STIM1: variants seen among roughly 807,000 people sequenced by gnomAD.
The protein encoded by STIM1 is stromal interaction molecule 1.
Under a neutral mutation model 74.7 loss-of-function variants are expected in STIM1, and 25 were observed. That is an observed-to-expected ratio of 0.33 (90% CI 0.24 to 0.47). STIM1 has a LOEUF of 0.47. Ranked by LOEUF, STIM1 falls within the 20% of genes least tolerant of loss-of-function variation. The probability of loss-of-function intolerance (pLI) is 1.00; values close to 1 mark genes in which losing one functional copy is unlikely to be tolerated. For synonymous variants in STIM1, 328 were observed against 348.8 expected (o/e 0.94, Z 0.66); for missense variants, 728 against 920.8 (o/e 0.79, Z 2.71).
At position 3,895,886 on chromosome 11, in the gene STIM1, TTTTC is replaced by T. The variant is rs200576507; in HGVS notation, c.139+39496_139+39499del. 2.4e-3 allele frequency among the ~76,000 whole-genome samples: 336 copies of T among 140,866 alleles called. 17 individuals carry two copies. The East Asian group carries it at 0.039, about 16-fold the overall frequency. 92.4% of individuals were successfully genotyped at this position (140,866 alleles called of 152,430 possible). The stretch of plus-strand genomic sequence containing the variant: ...CTCTCTCTTTCTTTTCTTTTCTTTC[TTTTC>T]TTTCTTTCTTTCTTTCTTCTTTCTT... On this transcript the variant is annotated intron_variant, in intron 1 of 12. Coordinates refer to ENST00000526596, the MANE Select transcript of STIM1 (RefSeq NM_001382567.1).
intron 2 of STIM1, among the ~76,000 whole-genome samples, chr11:4,018,469 A>C (rs1288993138): frequency 1.3e-4 from 19 of 143,446 alleles, no homozygotes; most frequent in Middle Eastern, 7.0e-3. Flanking sequence ...AAAAAAAAAA[A>C]AAAAAAAAAA....
At position 3,856,152 on chromosome 11, in the gene STIM1, C is replaced by A. The variant is rs777456212; in HGVS notation, c.-119C>A. ...GGCAGGCTCGCGGGTGGCTGGACAGCTGCGGAGCCGCGAGGGCATCTTGCC... is the reference window on the plus strand; with the variant it reads ...GGCAGGCTCGCGGGTGGCTGGACAGATGCGGAGCCGCGAGGGCATCTTGCC... On this transcript the variant is annotated 5_prime_UTR_variant, in exon 1 of 13. The change creates a new upstream start codon in the 5' untranslated region. Transcript: ENST00000526596. 3 of 1,400,192 alleles carry A rather than the reference C, an allele frequency of 2.1e-6. No individual in the cohort carries two copies. The highest frequency in any genetic ancestry group is 3.0e-6 in the Non-Finnish European group (3 of 1,001,696). The allele number at this position is 1,400,192 out of a possible 1,614,324, so 86.7% of individuals were successfully genotyped here. A position where few individuals can be genotyped will look rare whatever the true frequency, so the allele number is the denominator to read the frequency against.
chr11:3,965,892 A>G (rs1369971247), intron 1 of STIM1, among the ~76,000 whole-genome samples: 2 of 152,322 alleles, frequency 1.3e-5, no homozygotes. Flanking sequence ...CTGTAATCCC[A>G]GCTACTCGGA....
chr11:4,053,820 G>T (rs1420172777), intron 3 of STIM1, among the ~76,000 whole-genome samples: 1 of 152,112 alleles, frequency 6.6e-6, no homozygotes, highest in Non-Finnish European at 1.5e-5. Flanking sequence ...TATTGCCCAG[G>T]CTGGTCTTGA....
At chr11:3,938,043 C>T (rs1326532008) in intron 1 of STIM1, among the ~76,000 whole-genome samples, 2 of 151,792 alleles carry the variant, frequency 1.3e-5, no homozygotes, top group East Asian at 1.9e-4. Context: ...AAGCGATTCT[C>T]TTGCTTCAGC....
intron 1 of STIM1, among the ~76,000 whole-genome samples, chr11:3,930,249 G>A (rs527994100): frequency 6.6e-6 from 1 of 152,158 alleles, no homozygotes; most frequent in Non-Finnish European, 1.5e-5. Context: ...CCTGAACCTT[G>A]TGAGATAGAT....
chr11:3,941,381 G>A (rs2093002760), intron 1 of STIM1, among the ~76,000 whole-genome samples: 1 of 152,098 alleles, frequency 6.6e-6, no homozygotes, highest in Non-Finnish European at 1.5e-5. Context: ...AGGAAAGAGA[G>A]TTGGCAATGG....
At chr11:3,929,391 C>T (rs1380167728) in intron 1 of STIM1, among the ~76,000 whole-genome samples, 1 of 152,088 alleles carries the variant, frequency 6.6e-6, no homozygotes, top group African/African-American at 2.4e-5. Flanking sequence ...GAGATAATGG[C>T]ATTCTGAGGC....
intron 2 of STIM1, among the ~76,000 whole-genome samples, chr11:3,971,609 C>T (rs1273843258): frequency 6.6e-6 from 1 of 152,158 alleles, no homozygotes; most frequent in African/African-American, 2.4e-5. Flanking sequence ...TCTACCACAG[C>T]CGTTTAAGTG....
rs1201440921 is a variant in STIM1 at position 4,023,991 on chromosome 11, A to G, written c.385+4A>G. 2.5e-6 allele frequency: 4 copies of G among 1,611,118 alleles called. No homozygotes were observed. Among genetic ancestry groups the G allele is most frequent in the Non-Finnish European group, 3.4e-6 (4 of 1,177,484 alleles). ...AAGGCATGGAAGTCATCAGAAGGTA[A>G]TAGGCAGCCTGGTCATCAATCCTAG... is the stretch of plus-strand genomic sequence containing the variant. On this transcript the variant is annotated splice_donor_region_variant and intron_variant, in intron 3 of 12. Coordinates refer to ENST00000526596, the MANE Select transcript of STIM1 (RefSeq NM_001382567.1).
At chr11:3,967,385 G>A (rs975001370) in intron 1 of STIM1, among the ~76,000 whole-genome samples, 167 bp from the exon 2 acceptor site, 1 of 152,124 alleles carries the variant, frequency 6.6e-6, no homozygotes, top group East Asian at 1.9e-4. Flanking sequence ...GCATTTTCTT[G>A]GGGAGACAGT....
At chr11:4,032,460 C>T (rs995169677) in intron 3 of STIM1, among the ~76,000 whole-genome samples, 6 of 152,166 alleles carry the variant, frequency 3.9e-5, no homozygotes, top group African/African-American at 1.2e-4. Flanking sequence ...ATAATTCTTT[C>T]AATCAGGTAG....
At chr11:3,976,897 C>T (rs767742659) in intron 2 of STIM1, among the ~76,000 whole-genome samples, 2 of 152,008 alleles carry the variant, frequency 1.3e-5, no homozygotes, top group Admixed American at 1.3e-4. Context: ...TGGGTTCAAG[C>T]GATTCTCCTG....
At chr11:3,942,612 G>A (rs141229423) in intron 1 of STIM1, among the ~76,000 whole-genome samples, 121 of 152,240 alleles carry the variant, frequency 7.9e-4, no homozygotes, top group African/African-American at 2.8e-3. Flanking sequence ...ACTGGATTTT[G>A]GATTTCCTCT....
At chr11:3,892,764 C>T (rs2091936142) in intron 1 of STIM1, 3 of 1,613,136 alleles carry the variant, frequency 1.9e-6, no homozygotes, top group Non-Finnish European at 2.5e-6. Context: ...CCTTTCTCTC[C>T]AGTGCTCAGA....
intron 1 of STIM1, among the ~76,000 whole-genome samples, chr11:3,891,306 TTGAGACA>T (rs890223529): frequency 1.4e-4 from 21 of 151,998 alleles, no homozygotes; most frequent in Non-Finnish European, 1.8e-4. Flanking sequence ...TGTTTTTTTT[TTGAGACA>T]GAGTCTCGCT....
At chr11:3,967,501 G>C in intron 1 of STIM1, 51 bp from the exon 2 acceptor site, 2 of 1,613,190 alleles carry the variant, frequency 1.2e-6, no homozygotes, top group South Asian at 2.2e-5. Flanking sequence ...GTGGGTGATA[G>C]GTTCTGGGTG....
intron 7 of STIM1, among the ~76,000 whole-genome samples, chr11:4,080,466 A>G (rs1402163132): frequency 1.0e-5 from 1 of 99,566 alleles, no homozygotes; most frequent in Non-Finnish European, 2.4e-5. Flanking sequence ...TTAACCAAAC[A>G]GTTTTTTTTT....
chr11:3,996,017 C>T (rs2093660411), intron 2 of STIM1, among the ~76,000 whole-genome samples: 1 of 152,128 alleles, frequency 6.6e-6, no homozygotes, highest in Non-Finnish European at 1.5e-5. Context: ...GCCTATATCT[C>T]CAATGAATCT....
Sources: allele counts gnomAD v4.1 joint callset (sites outside exome capture counted in the v4.1 genomes callset), GRCh38; gene constraint gnomAD v4.1.1; transcripts MANE v1.5; gene names NCBI Gene and HGNC (gene_info 2026-07-23, HGNC 2026-07-21).